The following DERL3 variants were observed in gnomAD, a reference collection of about 807,000 sequenced individuals.
The protein encoded by DERL3 is derlin-3.
DERL3 carries 20 observed loss-of-function variants against 23.8 expected under a neutral mutation model. The ratio of observed to expected loss-of-function variants is 0.84; its 90% CI spans 0.59 to 1.22. The LOEUF is 1.22. Ranked by LOEUF, DERL3 falls within the 50% of genes most tolerant of loss-of-function variation. DERL3 has a pLI of 0.00. For synonymous variants in DERL3, 145 were observed against 132.5 expected (o/e 1.09, Z -0.65); for missense variants, 319 against 304.1 (o/e 1.05, Z -0.36).
chr22:23,838,886 G>T lies in DERL3; in HGVS notation c.93+9C>A. ...ACCAAGGCGACGTCCGGTCCGCCCG[G>T]CCGCTTACCACCGCGGCGGTGGTGA... On this transcript the variant is annotated intron_variant, in intron 1 of 6. Transcript: ENST00000318109. 1 of 1,557,238 alleles carries T rather than the reference G, an allele frequency of 6.4e-7. No homozygotes were observed. Among genetic ancestry groups the T allele is most frequent in the Non-Finnish European group, 8.7e-7 (1 of 1,150,302 alleles).
In DERL3 at chr22:23,838,744, G is replaced by A. The variant is rs2031324277; in HGVS notation, c.126C>T (p.Tyr42=). The change falls in exon 2 of 7, where the codon TAC becomes TAT. Residue 42 remains tyrosine, a synonymous_variant. Transcript: ENST00000318109. ...TCCGGAACACAAGGTGCGGGTTGAA[G>A]TAGAGTTGAAAGGGGCTGAGGAGCT... is the stretch of plus-strand genomic sequence containing the variant. The part of the protein sequence containing the change: ...QLELLSPFQL[Y]FNPHLVFRKF... The A allele has an allele frequency of 6.4e-7, 1 of 1,551,344 alleles. No homozygotes were observed. The highest frequency in any genetic ancestry group is 2.4e-5 in the East Asian group (1 of 40,916).
At chr22:23,838,848 G>T (rs1034041269) in intron 1 of DERL3, 47 bp downstream of exon 1, 14 of 1,550,566 alleles carry the variant, frequency 9.0e-6, no homozygotes, top group Admixed American at 5.9e-5. Context: ...CACCCCTCCC[G>T]CCAGAGGCTG....
chr22:23,837,565 C>A, intron 5 of DERL3, 94 bp downstream of exon 5: 1 of 1,329,446 alleles, frequency 7.5e-7, no homozygotes, highest in Non-Finnish European at 1.0e-6. Context: ...GAGGAGAACT[C>A]CAGCAAGGAT....
intron 1 of DERL3, 47 bp downstream of exon 1, chr22:23,838,848 G>A: frequency 1.9e-6 from 3 of 1,550,686 alleles, no homozygotes; most frequent in East Asian, 2.4e-5. Context: ...CACCCCTCCC[G>A]CCAGAGGCTG....
At position 23,836,417 on chromosome 22, in the gene DERL3, C is replaced by T; in HGVS notation, c.*452G>A. On this transcript the variant is annotated 3_prime_UTR_variant, in exon 7 of 7. Transcript: ENST00000318109. Reference sequence around the variant, plus strand: ...AACCTAGGAGACGCCTGTCCTGGCCCCAGCAGCCGAAATCTGGTGAACTTC... The same window carrying T: ...AACCTAGGAGACGCCTGTCCTGGCCTCAGCAGCCGAAATCTGGTGAACTTC... The T allele has an allele frequency of 1.0e-6, 1 of 987,846 alleles. No individual in the cohort carries two copies. The allele number at this position is 987,846 out of a possible 1,614,324, so 61.2% of individuals were successfully genotyped here. A position where few individuals can be genotyped will look rare whatever the true frequency, so the allele number is the denominator to read the frequency against.
Position 23,836,917 on chromosome 22 carries a change from G to A in DERL3, c.660C>T (p.Pro220=), listed in dbSNP as rs762813241. The change falls in exon 7 of 7, where the codon CCC becomes CCT. Residue 220 remains proline (P), a synonymous_variant. Transcript: ENST00000318109. The stretch of plus-strand genomic sequence containing the variant: ...GGGGTCCTGGCTGTTCCTCAGGGAG[G>A]GGCAGGTAATTGGGGTCTTCTGCAG... ...DAPAEDPNYL[P]LPEEQPGPHL... is the part of the protein sequence containing the mutation. The A allele has an allele frequency of 5.2e-6, 8 of 1,536,550 alleles. No homozygotes were observed. Among genetic ancestry groups the A allele is most frequent in the Non-Finnish European group, 7.0e-6 (8 of 1,143,464 alleles).
Position 23,836,886 on chromosome 22 carries a change from G to A in DERL3, c.691C>T (p.Pro231Ser). 1 of 1,477,724 alleles carries A rather than the reference G, an allele frequency of 6.8e-7. No individual in the cohort carries two copies. The highest frequency in any genetic ancestry group is 9.0e-7 in the Non-Finnish European group (1 of 1,112,602). The allele number at this position is 1,477,724 out of a possible 1,614,324, so 91.5% of individuals were successfully genotyped here. A position where few individuals can be genotyped will look rare whatever the true frequency, so the allele number is the denominator to read the frequency against. Residue 231 changes from proline to serine, a missense_variant, in exon 7 of 7, where the codon CCA (proline) becomes TCA (serine). Transcript: ENST00000318109. ...GGTGGGGGTCACTGCTGCGGGGGTGGCAGATGGGGTCCTGGCTGTTCCTCA... is the reference window on the plus strand; with the variant it reads ...GGTGGGGGTCACTGCTGCGGGGGTGACAGATGGGGTCCTGGCTGTTCCTCA... ...LPEEQPGPHL[P>S]PPQQ
Position 23,835,480 on chromosome 22 carries a change from T to TG in DERL3, c.*1388dup. The TG allele has an allele frequency of 1.0e-6, 1 of 985,738 alleles. No individual in the cohort carries two copies. The highest frequency in any genetic ancestry group is 1.7e-5 in the African/African-American group (1 of 57,374). 61.1% of individuals were successfully genotyped at this position (985,738 alleles called of 1,614,324 possible). On this transcript the variant is annotated 3_prime_UTR_variant, in exon 7 of 7. Coordinates refer to ENST00000318109, the MANE Select transcript of DERL3 (RefSeq NM_001002862.3). Reference sequence around the variant, plus strand: ...CAGAGGCAGAGCTCTGATTAGGGATTGGGGTTCTTGGTCGCTGAGATGTGA... The same window carrying TG: ...CAGAGGCAGAGCTCTGATTAGGGATTGGGGGTTCTTGGTCGCTGAGATGTGA...
Position 23,836,304 on chromosome 22 carries a change from C to A in DERL3, c.*565G>T, listed in dbSNP as rs2031041805. On this transcript the variant is annotated 3_prime_UTR_variant, in exon 7 of 7. Transcript: ENST00000318109. ...AAAAATGAGGCATACGCCCACCTGT[C>A]AGGGTGGCTGATGAGAGACAGGAGA... 1.0e-6 allele frequency: 1 copy of A among 985,512 alleles called. No homozygotes were observed. The highest frequency in any genetic ancestry group is 1.2e-6 in the Non-Finnish European group (1 of 829,960). The allele number at this position is 985,512 out of a possible 1,614,324, so 61.0% of individuals were successfully genotyped here. A position where few individuals can be genotyped will look rare whatever the true frequency, so the allele number is the denominator to read the frequency against.
At position 23,835,100 on chromosome 22, in the gene DERL3, G is replaced by A. The variant is rs2030936639; in HGVS notation, c.*1769C>T. 2 of 1,392,498 alleles carry A rather than the reference G, an allele frequency of 1.4e-6. No homozygotes were observed. The highest frequency in any genetic ancestry group is 1.9e-6 in the Non-Finnish European group (2 of 1,076,334). 86.3% of individuals were successfully genotyped at this position (1,392,498 alleles called of 1,614,324 possible). On this transcript the variant is annotated 3_prime_UTR_variant, in exon 7 of 7. Coordinates refer to ENST00000318109, the MANE Select transcript of DERL3 (RefSeq NM_001002862.3). ...CTCCTGCCTTACAAGCCAGCTGTGA[G>A]GAATATGGGAATAGCCCTCCCGGCC...
At chr22:23,837,209 C>T (rs1373117868) in intron 5 of DERL3, 55 bp from the exon 6 acceptor site, 2 of 1,594,126 alleles carry the variant, frequency 1.3e-6, no homozygotes, top group Admixed American at 3.6e-5. Flanking sequence ...AGTCCTAGAC[C>T]AGCAGAGCCT....
Position 23,834,811 on chromosome 22 carries a change from C to G in DERL3, c.*2058G>C. On this transcript the variant is annotated 3_prime_UTR_variant, in exon 7 of 7. Transcript: ENST00000318109. The stretch of plus-strand genomic sequence containing the variant: ...CCTTTCAGGAACAGCCCTAACCCTG[C>G]TCCCCTTGCTTGGCCTCAGGAAGGT... 1 of 1,606,830 alleles carries G rather than the reference C, an allele frequency of 6.2e-7. No homozygotes were observed. Among genetic ancestry groups the G allele is most frequent in the Non-Finnish European group, 8.5e-7 (1 of 1,177,034 alleles).
In DERL3 at chr22:23,836,744, T is replaced by G; in HGVS notation, c.*125A>C. On this transcript the variant is annotated 3_prime_UTR_variant, in exon 7 of 7. Transcript: ENST00000318109. ...TGTGGGCCAAGAGACTGCAGCTCAT[T>G]CTGTTTATTCAGGTGGGCCCTTGCA... The G allele has an allele frequency of 7.3e-7, 1 of 1,366,404 alleles. No homozygotes were observed. Among genetic ancestry groups the G allele is most frequent in the East Asian group, 2.9e-5 (1 of 34,280 alleles). The allele number at this position is 1,366,404 out of a possible 1,614,324, so 84.6% of individuals were successfully genotyped here. A position where few individuals can be genotyped will look rare whatever the true frequency, so the allele number is the denominator to read the frequency against.
In DERL3 at chr22:23,835,680, T is replaced by C; in HGVS notation, c.*1189A>G. 8 of 985,516 alleles carry C rather than the reference T, an allele frequency of 8.1e-6. 1 individual carries two copies. In the South Asian group the frequency reaches 3.8e-4, roughly 46 times the overall value. The allele number at this position is 985,516 out of a possible 1,614,324, so 61.0% of individuals were successfully genotyped here. ...AGGGGAAGATTCCCAGCCCAGCTGCTCTTAGACATGAACAGGTTTCATTGC... is the reference window on the plus strand; with the variant it reads ...AGGGGAAGATTCCCAGCCCAGCTGCCCTTAGACATGAACAGGTTTCATTGC... On this transcript the variant is annotated 3_prime_UTR_variant, in exon 7 of 7. Coordinates refer to ENST00000318109, the MANE Select transcript of DERL3 (RefSeq NM_001002862.3).
intron 5 of DERL3, chr22:23,837,363 A>G: frequency 1.4e-6 from 1 of 697,714 alleles, no homozygotes. Context: ...CAGGGAGGGG[A>G]GGGCCTGAGA....
chr22:23,838,242 G>A, intron 4 of DERL3, 110 bp downstream of exon 4: 1 of 1,550,810 alleles, frequency 6.4e-7, no homozygotes, highest in South Asian at 1.2e-5. Context: ...TACTAAGCTG[G>A]AGACAGCGAC....
chr22:23,837,440 GT>G, intron 5 of DERL3: 1 of 649,476 alleles, frequency 1.5e-6, no homozygotes. Context: ...CATCAGGACC[GT>G]GCAAGCATCA....
In DERL3 at chr22:23,835,529, G is replaced by A. The variant is rs1316511121; in HGVS notation, c.*1340C>T. The A allele has an allele frequency of 1.0e-6, 1 of 985,552 alleles. No individual in the cohort carries two copies. Among genetic ancestry groups the A allele is most frequent in the Non-Finnish European group, 1.2e-6 (1 of 829,974 alleles). 61.1% of individuals were successfully genotyped at this position (985,552 alleles called of 1,614,324 possible). A position where few individuals can be genotyped will look rare whatever the true frequency, so the allele number is the denominator to read the frequency against. On this transcript the variant is annotated 3_prime_UTR_variant, in exon 7 of 7. Coordinates refer to ENST00000318109, the MANE Select transcript of DERL3 (RefSeq NM_001002862.3). ...GAGAGGAGGGCTCCTTTGAGCACAT[G>A]TTAGCATGGGACTCTTCCCAGGGAG... is the stretch of plus-strand genomic sequence containing the variant.
rs749515636 is a variant in DERL3 at position 23,838,944 on chromosome 22, G to C, written c.44C>G (p.Ala15Gly). Reference protein sequence around the residue: ...GLAAEFLQVPAVTRAYTAACV... With the variant: ...GLAAEFLQVPGVTRAYTAACV... ...GGCTGCGGTGTAAGCCCGCGTCACCGCCGGCACCTGCAGGAACTCGGCCGC... is the reference window on the plus strand; with the variant it reads ...GGCTGCGGTGTAAGCCCGCGTCACCCCCGGCACCTGCAGGAACTCGGCCGC... Residue 15 changes from alanine (A) to glycine (G), a missense_variant, in exon 1 of 7, where the codon GCG (alanine) becomes GGG (glycine). Coordinates refer to ENST00000318109, the MANE Select transcript of DERL3 (RefSeq NM_001002862.3). 6.3e-7 allele frequency: 1 copy of C among 1,583,628 alleles called. No individual in the cohort carries two copies. Among genetic ancestry groups the C allele is most frequent in the Non-Finnish European group, 8.6e-7 (1 of 1,165,628 alleles).
Sources: allele counts gnomAD v4.1 joint callset, GRCh38; gene constraint gnomAD v4.1.1; transcripts MANE v1.5; gene names NCBI Gene and HGNC (gene_info 2026-07-23, HGNC 2026-07-21).